Variants in TEAD4 observed in about 807,000 individuals in gnomAD.
The protein encoded by TEAD4 is transcriptional enhancer factor TEF-3.
In TEAD4, 36 loss-of-function variants were observed where a neutral mutation model predicts 52.4. That is an observed-to-expected ratio of 0.69 (90% CI 0.53 to 0.91). The LOEUF is 0.91. TEAD4 is among the 40% of genes least tolerant of loss of function. TEAD4 has a pLI of 0.00. For synonymous variants in TEAD4, 220 were observed against 231.0 expected (o/e 0.95, Z 0.43); for missense variants, 508 against 583.9 (o/e 0.87, Z 1.34).
chr12:2,980,470 C>T (rs58203505), intron 2 of TEAD4, among the ~76,000 whole-genome samples: 5,067 of 152,244 alleles, frequency 0.033, 300 homozygotes, highest in African/African-American at 0.12. Flanking sequence ...TGGTGGCTTA[C>T]GCCTGTAATC....
chr12:3,015,130 C>G (rs1041047409), intron 5 of TEAD4, among the ~76,000 whole-genome samples: 1 of 152,200 alleles, frequency 6.6e-6, no homozygotes, highest in African/African-American at 2.4e-5. Flanking sequence ...CCAAGGGGGG[C>G]CAGGGACAAA....
chr12:3,031,209 A>G (rs2098275282), intron 10 of TEAD4, among the ~76,000 whole-genome samples: 1 of 152,112 alleles, frequency 6.6e-6, no homozygotes, highest in Non-Finnish European at 1.5e-5. Context: ...AGCCCCCTGG[A>G]GAAGCCTTCA....
intron 10 of TEAD4, among the ~76,000 whole-genome samples, chr12:3,033,456 TG>T (rs1379016825): frequency 6.6e-6 from 1 of 152,166 alleles, no homozygotes; most frequent in Non-Finnish European, 1.5e-5. Context: ...AGGGGGCCTT[TG>T]GTGGCCATTA....
At chr12:3,013,873 C>G (rs542597499) in intron 5 of TEAD4, among the ~76,000 whole-genome samples, 2 of 152,270 alleles carry the variant, frequency 1.3e-5, no homozygotes, top group African/African-American at 2.4e-5. Flanking sequence ...TTGTGAGACC[C>G]CATCTCTGAA....
At chr12:3,017,617 G>T (rs1487610795) in intron 6 of TEAD4, 91 bp downstream of exon 6, 1 of 1,474,768 alleles carries the variant, frequency 6.8e-7, no homozygotes, top group Non-Finnish European at 9.0e-7. Context: ...GGCCAGCCCA[G>T]ATTTCTCTCA....
At chr12:3,011,194 A>G in intron 4 of TEAD4, 126 bp downstream of exon 4, 2 of 882,330 alleles carry the variant, frequency 2.3e-6, no homozygotes, top group Non-Finnish European at 3.6e-6. Flanking sequence ...TGGATGAGTT[A>G]TCCCTGTTGG....
At chr12:3,006,310 C>T (rs1487901696) in intron 3 of TEAD4, among the ~76,000 whole-genome samples, 3 of 152,014 alleles carry the variant, frequency 2.0e-5, no homozygotes, top group Non-Finnish European at 1.5e-5. Context: ...TGCAGATAGC[C>T]CCCAAATTTG....
At chr12:3,014,100 G>C (rs2098262506) in intron 5 of TEAD4, among the ~76,000 whole-genome samples, 1 of 152,160 alleles carries the variant, frequency 6.6e-6, no homozygotes, top group Non-Finnish European at 1.5e-5. Flanking sequence ...CTGTGGCCTG[G>C]CACCTCGCTC....
chr12:2,980,188 T>C (rs4766019), intron 2 of TEAD4, among the ~76,000 whole-genome samples: 124,382 of 152,010 alleles, frequency 0.82, 51,494 homozygotes, highest in Middle Eastern at 0.89. Flanking sequence ...GCAGTTTTCT[T>C]CCCCGAGATT....
At chr12:3,023,516 G>A (rs2098270045) in intron 10 of TEAD4, among the ~76,000 whole-genome samples, 1 of 152,084 alleles carries the variant, frequency 6.6e-6, no homozygotes, top group Non-Finnish European at 1.5e-5. Context: ...GGCCAGTTGC[G>A]GTGGCTCATG....
At chr12:3,022,908 G>T (rs1475486154) in intron 10 of TEAD4, among the ~76,000 whole-genome samples, 2 of 152,188 alleles carry the variant, frequency 1.3e-5, no homozygotes, top group Non-Finnish European at 2.9e-5. Flanking sequence ...AATGCCTCTT[G>T]TGCAGAGATT....
At chr12:3,002,775 G>A (rs796648609) in intron 3 of TEAD4, among the ~76,000 whole-genome samples, 39 of 152,300 alleles carry the variant, frequency 2.6e-4, no homozygotes, top group African/African-American at 8.7e-4. Flanking sequence ...GACAGACACC[G>A]AGGCAGGAAT....
rs2098225655 is a variant in TEAD4 at position 2,972,127 on chromosome 12, G to T, written c.-30+12087G>T. On this transcript the variant is annotated intron_variant, in intron 2 of 12. Coordinates refer to ENST00000359864, the MANE Select transcript of TEAD4 (RefSeq NM_003213.4). ...AGAGTCTCACTCTGCCACCCAGGCT[G>T]GAGTGTGGTGGTGTGATCACAGCTC... Among the ~76,000 whole-genome samples the T allele has an allele frequency of 5.3e-5, 8 of 152,038 alleles. No individual in the cohort carries two copies. In the South Asian group the frequency reaches 1.7e-3, roughly 31 times the overall value.
At chr12:3,011,603 A>G (rs1325688291) in intron 4 of TEAD4, among the ~76,000 whole-genome samples, 2 of 152,126 alleles carry the variant, frequency 1.3e-5, no homozygotes, top group African/African-American at 2.4e-5. Context: ...CTGGAAAGTC[A>G]TCAGCCCCCA....
At position 3,012,244 on chromosome 12, in the gene TEAD4, G is replaced by A; in HGVS notation, c.354+12G>A. The A allele has an allele frequency of 6.2e-7, 1 of 1,613,790 alleles. No individual in the cohort carries two copies. The highest frequency in any genetic ancestry group is 8.5e-7 in the Non-Finnish European group (1 of 1,179,800). ...AGGCCAAGCTAAAGGTAAGGAAACT[G>A]CAGTGGGGGTGCTGGAGTGGCCAGG... On this transcript the variant is annotated intron_variant, in intron 5 of 12. Coordinates refer to ENST00000359864, the MANE Select transcript of TEAD4 (RefSeq NM_003213.4).
At chr12:2,962,151 G>A (rs946368398) in intron 2 of TEAD4, among the ~76,000 whole-genome samples, 10 of 149,392 alleles carry the variant, frequency 6.7e-5, no homozygotes, top group African/African-American at 2.0e-4. Context: ...TTGAGACGGA[G>A]TCTCGCTCTG....
chr12:2,985,706 A>T (rs1423630592), intron 2 of TEAD4, among the ~76,000 whole-genome samples: 1 of 151,766 alleles, frequency 6.6e-6, no homozygotes, highest in Non-Finnish European at 1.5e-5. Flanking sequence ...GGGTTTCAGC[A>T]TATTGGCCAG....
chr12:3,039,921 A>C (rs1158403135), intron 11 of TEAD4, among the ~76,000 whole-genome samples, 186 bp from the exon 12 acceptor site: 1 of 152,192 alleles, frequency 6.6e-6, no homozygotes, highest in East Asian at 1.9e-4. Context: ...TCCTGACCTC[A>C]GGTGATCCGC....
intron 9 of TEAD4, among the ~76,000 whole-genome samples, chr12:3,021,308 T>A (rs1025285800): frequency 6.7e-3 from 13 of 1,948 alleles, no homozygotes; most frequent in African/African-American, 7.5e-3. Flanking sequence ...TTCAAACTTC[T>A]TTTTTTTTTT....
Sources: gnomAD v4.1 joint callset for allele counts (sites outside exome capture counted in the v4.1 genomes callset) on GRCh38, gnomAD v4.1.1 for gene constraint, MANE v1.5 for transcripts, NCBI Gene and HGNC (gene_info 2026-07-23, HGNC 2026-07-21) for gene names.